CTSB: variants seen among roughly 807,000 people sequenced by gnomAD.
CTSB encodes the protein APP secretase.
Under a neutral mutation model 44.3 loss-of-function variants are expected in CTSB, and 57 were observed. The ratio of observed to expected loss-of-function variants is 1.29; its 90% confidence interval spans 1.04 to 1.60. The LOEUF (loss-of-function observed/expected upper bound fraction) is 1.60, where lower values mean the gene tolerates loss of function less well. CTSB is among the 40% of genes most tolerant of loss of function. The pLI is 0.00. For missense variants in CTSB, 768 were observed against 443.0 expected (o/e 1.73, Z -6.59); for synonymous variants, 320 against 168.0 (o/e 1.91, Z -7.00).
chr8:11,857,189 A>G (rs79326726), intron 1 of CTSB, among the ~76,000 whole-genome samples: 1 of 152,064 alleles, frequency 6.6e-6, no homozygotes, highest in African/African-American at 2.4e-5. Flanking sequence ...ACGTTTGGCT[A>G]ATTTTTGTAG....
intron 1 of CTSB, among the ~76,000 whole-genome samples, chr8:11,858,273 G>C (rs893903301): frequency 1.3e-5 from 2 of 152,176 alleles, no homozygotes; most frequent in African/African-American, 4.8e-5. Context: ...ACGCCAGGAA[G>C]AGTCTAAATG....
intron 1 of CTSB, among the ~76,000 whole-genome samples, chr8:11,858,533 G>A (rs1198380279): frequency 1.3e-5 from 2 of 152,146 alleles, no homozygotes; most frequent in South Asian, 2.1e-4. Context: ...CAAGTGATCT[G>A]CCCGCCTTGG....
At position 11,845,603 on chromosome 8, in the gene CTSB, G is replaced by A. The variant is rs79570995; in HGVS notation, c.922+58C>T. 365 of 1,580,668 alleles carry A rather than the reference G, an allele frequency of 2.3e-4. 2 individuals carry two copies. The East Asian group carries it at 7.4e-3, about 32-fold the overall frequency. On this transcript the variant is annotated intron_variant, in intron 9 of 9. Transcript: ENST00000353047. ...TGGGTAGAACAGAGAAAGCCGAGATGGCCACGGGGTGTGGCTCACAATTCA... is the reference window on the plus strand; with the variant it reads ...TGGGTAGAACAGAGAAAGCCGAGATAGCCACGGGGTGTGGCTCACAATTCA...
intron 5 of CTSB, chr8:11,848,623 G>A: frequency 3.2e-6 from 1 of 307,996 alleles, no homozygotes. Flanking sequence ...CGCTACTGCG[G>A]AACCAAGGCG....
At chr8:11,865,848 A>AAT (rs1817046217) in intron 1 of CTSB, among the ~76,000 whole-genome samples, 1 of 146,884 alleles carries the variant, frequency 6.8e-6, no homozygotes, top group Non-Finnish European at 1.5e-5. Context: ...CTCTACTAAA[A>AAT]ATACAAAAAA....
intron 6 of CTSB, 103 bp downstream of exon 6, chr8:11,847,964 C>T (rs938833753): frequency 7.5e-6 from 10 of 1,331,240 alleles, no homozygotes; most frequent in Non-Finnish European, 1.0e-5. Context: ...CTCTCAGCAG[C>T]CCCTCTGTCT....
rs924730230 is a variant in CTSB, at chr8:11,844,372, G to A, written c.*753C>T. On this transcript the variant is annotated 3_prime_UTR_variant, in exon 10 of 10. Coordinates refer to ENST00000353047, the MANE Select transcript of CTSB (RefSeq NM_001908.5). ...AGGCATTCCTTGTTAACTTGACAGG[G>A]TGAAGCTGTAATTTTTCAAAAACAG... is the stretch of plus-strand genomic sequence containing the variant. The A allele has an allele frequency of 6.9e-6, 1 of 145,440 alleles. No homozygotes were observed. The highest frequency in any genetic ancestry group is 2.4e-5 in the African/African-American group (1 of 40,970). 9.0% of individuals were successfully genotyped at this position (145,440 alleles called of 1,614,324 possible). A position where few individuals can be genotyped will look rare whatever the true frequency, so the allele number is the denominator to read the frequency against.
chr8:11,853,090 C>G (rs1367046648), intron 2 of CTSB, among the ~76,000 whole-genome samples: 1 of 152,150 alleles, frequency 6.6e-6, no homozygotes, highest in Non-Finnish European at 1.5e-5. Context: ...CACACACCTC[C>G]ACGTGCACAC....
At position 11,850,895 on chromosome 8, in the gene CTSB, T is replaced by G; in HGVS notation, c.298A>C (p.Arg100=). 6.2e-7 allele frequency: 1 copy of G among 1,613,484 alleles called. No homozygotes were observed. Among genetic ancestry groups the G allele is most frequent in the Non-Finnish European group, 8.5e-7 (1 of 1,179,590 alleles). ...WPQCPTIKEI[R]DQGSCGSCWA... Reference sequence around the variant, plus strand: ...CAGGAGCCACAGGAGCCCTGGTCTCTGATCTCTTTGATGGTGGGACACTGT... The same window carrying G: ...CAGGAGCCACAGGAGCCCTGGTCTCGGATCTCTTTGATGGTGGGACACTGT... Residue 100 remains arginine, a synonymous_variant, in exon 4 of 10, where the codon AGA becomes CGA. Coordinates refer to ENST00000353047, the MANE Select transcript of CTSB (RefSeq NM_001908.5).
rs138936863 is a variant in CTSB, at chr8:11,849,087, C to G, written c.405G>C (p.Ala135=). The change falls in exon 5 of 10, where the codon GCG becomes GCC. Residue 135 remains alanine (A), a synonymous_variant. Coordinates refer to ENST00000353047, the MANE Select transcript of CTSB (RefSeq NM_001908.5). ...TNAHVSVEVS[A]EDLLTCCGSM... ...TGCCACAGCATGTGAGCAGGTCCTC[C>G]GCCGACACCTCCACGCTGACGTGCG... 6.0e-4 allele frequency: 967 copies of G among 1,613,580 alleles called. No homozygotes were observed. The highest frequency in any genetic ancestry group is 7.6e-4 in the Non-Finnish European group (893 of 1,179,822).
At chr8:11,845,522 G>T in intron 9 of CTSB, 139 bp downstream of exon 9, 1 of 1,044,134 alleles carries the variant, frequency 9.6e-7, no homozygotes, top group Non-Finnish European at 1.4e-6. Context: ...CTGACTGCCT[G>T]GCACTTAGGA....
At chr8:11,845,438 C>T (rs568365086) in intron 9 of CTSB, among the ~76,000 whole-genome samples, 8 of 152,312 alleles carry the variant, frequency 5.3e-5, no homozygotes, top group East Asian at 1.9e-4. Context: ...GGATCTGGCG[C>T]GATGCTGTGG....
chr8:11,847,383 C>T (rs1027034787), intron 7 of CTSB, among the ~76,000 whole-genome samples: 4 of 152,094 alleles, frequency 2.6e-5, no homozygotes, highest in Non-Finnish European at 4.4e-5. Context: ...GCAATGAGCA[C>T]GAGGCCCCGG....
intron 9 of CTSB, 148 bp from the exon 10 acceptor site, chr8:11,845,370 G>C (rs370093786): frequency 1.9e-5 from 13 of 685,602 alleles, no homozygotes; most frequent in Admixed American, 1.0e-4. Flanking sequence ...AAGGCTTCTG[G>C]AGCCGTGGGG....
intron 7 of CTSB, 135 bp from the exon 8 acceptor site, chr8:11,847,303 G>A (rs1586093266): frequency 7.4e-6 from 5 of 672,946 alleles, no homozygotes; most frequent in South Asian, 3.5e-5. Flanking sequence ...TGCCAGGGGA[G>A]CTCAAGGAAG....
chr8:11,864,909 T>C (rs1182022565), intron 1 of CTSB, among the ~76,000 whole-genome samples: 3 of 149,628 alleles, frequency 2.0e-5, no homozygotes, highest in Non-Finnish European at 1.5e-5. Flanking sequence ...TGAAACTGTC[T>C]CAAAAAAAAA....
intron 1 of CTSB, among the ~76,000 whole-genome samples, chr8:11,863,665 A>G (rs905889793): frequency 9.9e-5 from 15 of 152,210 alleles, no homozygotes; most frequent in African/African-American, 3.6e-4. Flanking sequence ...ACTAGGCATA[A>G]GTGGGTTACT....
intron 1 of CTSB, among the ~76,000 whole-genome samples, chr8:11,857,002 C>T (rs1173965910): frequency 6.6e-6 from 1 of 152,144 alleles, no homozygotes; most frequent in Non-Finnish European, 1.5e-5. Flanking sequence ...CCAATTTGGT[C>T]TTCCTTCCCA....
chr8:11,848,003 G>C (rs1281493533), intron 6 of CTSB, 64 bp downstream of exon 6: 23 of 1,425,538 alleles, frequency 1.6e-5, no homozygotes, highest in Non-Finnish European at 2.2e-5. Context: ...GGCAAATAAA[G>C]CCATGATGGT....
Sources: allele counts gnomAD v4.1 joint callset (sites outside exome capture counted in the v4.1 genomes callset), GRCh38; gene constraint gnomAD v4.1.1; transcripts MANE v1.5; gene names NCBI Gene and HGNC (gene_info 2026-07-23, HGNC 2026-07-21).